ROR1: variants seen among roughly 807,000 people sequenced by gnomAD.
ROR1 encodes inactive tyrosine-protein kinase transmembrane receptor ROR1.
A neutral mutation model predicts 78.8 loss-of-function variants in ROR1; 19 were observed. The ratio of observed to expected loss-of-function variants is 0.24; its 90% CI spans 0.17 to 0.35. The LOEUF (loss-of-function observed/expected upper bound fraction) is 0.35. ROR1 is among the 10% of genes least tolerant of loss of function. The pLI, the probability that ROR1 is intolerant of heterozygous loss-of-function variation, is 1.00. For synonymous variants in ROR1, 386 were observed against 433.6 expected (o/e 0.89, Z 1.36); for missense variants, 917 against 1,177.8 (o/e 0.78, Z 3.24).
At chr1:63,776,496 A>G (rs1351794381) in intron 1 of ROR1, among the ~76,000 whole-genome samples, 1 of 152,204 alleles carries the variant, frequency 6.6e-6, no homozygotes, top group Non-Finnish European at 1.5e-5. Flanking sequence ...TGGGGGCTGC[A>G]TGCACTGGTA....
intron 1 of ROR1, among the ~76,000 whole-genome samples, chr1:63,989,988 C>A (rs929558714): frequency 6.6e-6 from 1 of 152,128 alleles, no homozygotes; most frequent in African/African-American, 2.4e-5. Context: ...AGTTTAGGAT[C>A]AATTATAATT....
At chr1:63,923,725 G>A (rs185628182) in intron 1 of ROR1, among the ~76,000 whole-genome samples, 44 of 151,426 alleles carry the variant, frequency 2.9e-4, no homozygotes, top group African/African-American at 9.0e-4. Context: ...TCATTCATTC[G>A]CTTTTGTAAA....
At chr1:63,846,651 G>T (rs564962364) in intron 1 of ROR1, among the ~76,000 whole-genome samples, 1 of 152,160 alleles carries the variant, frequency 6.6e-6, no homozygotes, top group Admixed American at 6.5e-5. Context: ...GAATCACAGA[G>T]CCTCTGTGTT....
At position 63,927,928 on chromosome 1, in the gene ROR1, A is replaced by AT. The variant is rs1645719011; in HGVS notation, c.92-81377_92-81376insT. Among the ~76,000 whole-genome samples, 3 of 151,222 alleles carry AT rather than the reference A, an allele frequency of 2.0e-5. No individual in the cohort carries two copies. In the East Asian group the frequency reaches 5.9e-4, roughly 30 times the overall value. On this transcript the variant is annotated intron_variant, in intron 1 of 8. Transcript: ENST00000371079. ...ATCCATAGTCCTTTGCGATCCACTG[A>AT]CAAGTGAGAAACCAAAATGTAAGGG...
chr1:64,016,590 T>C (rs528261547), intron 2 of ROR1, among the ~76,000 whole-genome samples: 143 of 152,116 alleles, frequency 9.4e-4, no homozygotes, highest in African/African-American at 3.3e-3. Context: ...GTTTCCTCCT[T>C]GCAGCAAAAG....
chr1:63,876,663 TGTGTGTGTGTGTGTGTGTGC>T (rs1294109974), intron 1 of ROR1, among the ~76,000 whole-genome samples: 4 of 127,808 alleles, frequency 3.1e-5, no homozygotes, highest in African/African-American at 1.7e-4. Context: ...TGTGTGTGTG[TGTGTGTGTGTGTGTGTGTGC>T]GCGTGTGTGT....
In ROR1 at chr1:64,014,721, A is replaced by ATATATATATATATATG. The variant is rs200268487; in HGVS notation, c.163+5351_163+5352insTATATATATGTATATA. ...TTCTCTGTGCTGACAGACTATATAT[A>ATATATATATATATATG]TATATACACATACGCACACTATATA... On this transcript the variant is annotated intron_variant, in intron 2 of 8. Coordinates refer to ENST00000371079, the MANE Select transcript of ROR1 (RefSeq NM_005012.4). 5.8e-4 allele frequency among the ~76,000 whole-genome samples: 32 copies of ATATATATATATATATG among 55,316 alleles called. 3 individuals are homozygous for ATATATATATATATATG. Among genetic ancestry groups the ATATATATATATATATG allele is most frequent in the South Asian group, 1.8e-3 (2 of 1,092 alleles). The allele number at this position is 55,316 out of a possible 152,430, so 36.3% of individuals were successfully genotyped here. A position where few individuals can be genotyped will look rare whatever the true frequency, so the allele number is the denominator to read the frequency against.
Position 64,177,480 on chromosome 1 carries a change from G to A in ROR1, c.1439G>A (p.Gly480Asp). 1 of 1,614,164 alleles carries A rather than the reference G, an allele frequency of 6.2e-7. No homozygotes were observed. Among genetic ancestry groups the A allele is most frequent in the Non-Finnish European group, 8.5e-7 (1 of 1,180,028 alleles). ...GCTGTACGCTTTATGGAAGAATTGG[G>A]TGAGTGTGCCTTTGGAAAAATCTAT... is the stretch of plus-strand genomic sequence containing the variant. Reference protein sequence around the residue: ...LSAVRFMEELGECAFGKIYKG... With the variant: ...LSAVRFMEELDECAFGKIYKG... Residue 480 changes from glycine (G) to aspartate (D), a missense_variant, in exon 9 of 9, where the codon GGT (glycine) becomes GAT (aspartate). This residue lies in a region of ROR1 where 835 missense variants were observed against 1,069.8 expected (regional missense o/e 0.78). Transcript: ENST00000371079.
chr1:63,787,040 G>A (rs1413422617), intron 1 of ROR1, among the ~76,000 whole-genome samples: 2 of 152,178 alleles, frequency 1.3e-5, no homozygotes, highest in African/African-American at 4.8e-5. Context: ...AAATGTCAGT[G>A]GCCTGCCCTT....
intron 1 of ROR1, among the ~76,000 whole-genome samples, chr1:63,882,037 T>TG (rs1256654764): frequency 1.3e-5 from 2 of 152,172 alleles, no homozygotes; most frequent in South Asian, 2.1e-4. Flanking sequence ...TAGGATACTC[T>TG]GGGAACACCT....
chr1:64,038,127 G>A (rs1056983527), intron 2 of ROR1, among the ~76,000 whole-genome samples: 3 of 152,068 alleles, frequency 2.0e-5, no homozygotes, highest in South Asian at 2.1e-4. Context: ...CTCCATGTCC[G>A]CACAAGTATT....
chr1:63,864,206 G>A (rs1433062256), intron 1 of ROR1, among the ~76,000 whole-genome samples: 1 of 152,176 alleles, frequency 6.6e-6, no homozygotes, highest in Admixed American at 6.5e-5. Flanking sequence ...AAGAGATGGA[G>A]GCAGGATTCA....
intron 1 of ROR1, among the ~76,000 whole-genome samples, chr1:63,882,061 G>T (rs1645326581): frequency 6.6e-6 from 1 of 152,150 alleles, no homozygotes. Context: ...TCTGCACATG[G>T]AGCAGAAAAT....
chr1:63,930,072 C>T (rs1019108329), intron 1 of ROR1, among the ~76,000 whole-genome samples: 13 of 152,006 alleles, frequency 8.6e-5, no homozygotes, highest in South Asian at 2.1e-4. Context: ...CCCATGAACC[C>T]GTCATCTACA....
chr1:63,924,932 CTTTTTTTTTT>C (rs751680204), intron 1 of ROR1, among the ~76,000 whole-genome samples: 3 of 85,040 alleles, frequency 3.5e-5, no homozygotes, highest in African/African-American at 1.2e-4. Flanking sequence ...AAAGGGGATG[CTTTTTTTTTT>C]TTTTTTTTTT....
rs141443575 is a variant in ROR1 at position 63,976,884 on chromosome 1, A to G, written c.92-32421A>G. Among the ~76,000 whole-genome samples the G allele has an allele frequency of 4.6e-5, 7 of 152,362 alleles. No homozygotes were observed. In the East Asian group the frequency reaches 1.2e-3, roughly 25 times the overall value. ...ATTATGTTTCATATACACCTATATT[A>G]GTCCATTCTCACACTGCTAATAAAG... On this transcript the variant is annotated intron_variant, in intron 1 of 8. Coordinates refer to ENST00000371079, the MANE Select transcript of ROR1 (RefSeq NM_005012.4).
chr1:64,089,671 T>A (rs976050664), intron 4 of ROR1, among the ~76,000 whole-genome samples: 4 of 152,210 alleles, frequency 2.6e-5, no homozygotes, highest in African/African-American at 9.6e-5. Context: ...ATCTATACTT[T>A]TCATAAGTGA....
intron 1 of ROR1, among the ~76,000 whole-genome samples, chr1:63,847,434 C>T (rs970997359): frequency 6.6e-5 from 10 of 151,994 alleles, no homozygotes; most frequent in Non-Finnish European, 7.4e-5. Flanking sequence ...CTTTCTGGTC[C>T]TTCCAGTAAT....
chr1:64,058,453 T>C (rs977147211), intron 4 of ROR1, among the ~76,000 whole-genome samples: 1 of 152,066 alleles, frequency 6.6e-6, no homozygotes, highest in Non-Finnish European at 1.5e-5. Flanking sequence ...TTGAATATGA[T>C]GTTAGCTGCG....
Sources: gnomAD v4.1 joint callset for allele counts (sites outside exome capture counted in the v4.1 genomes callset) on GRCh38, gnomAD v4.1.1 for gene constraint, gnomAD v4.1.1 regional missense constraint, MANE v1.5 for transcripts, NCBI Gene and HGNC (gene_info 2026-07-23, HGNC 2026-07-21) for gene names.